Variants in SPPL2A observed in about 807,000 individuals in gnomAD.
SPPL2A encodes signal peptide peptidase like 2A.
A neutral mutation model predicts 63.8 loss-of-function variants in SPPL2A; 51 were observed. The ratio of observed to expected loss-of-function variants is 0.80; its 90% confidence interval spans 0.64 to 1.01. The LOEUF (loss-of-function observed/expected upper bound fraction) is 1.01. Ranked by LOEUF, SPPL2A falls within the 50% of genes least tolerant of loss-of-function variation. The pLI, the probability that SPPL2A is intolerant of heterozygous loss-of-function variation, is 0.00. For synonymous variants in SPPL2A, 188 were observed against 205.8 expected, an observed-to-expected ratio of 0.91 and a Z score of 0.74; for missense variants, 553 against 622.7, an observed-to-expected ratio of 0.89 and a Z score of 1.19.
At chr15:50,750,516 C>A (rs1567165280) in intron 1 of SPPL2A, among the ~76,000 whole-genome samples, 1 of 152,178 alleles carries the variant, frequency 6.6e-6, no homozygotes, top group Non-Finnish European at 1.5e-5. Context: ...AGAGAACCAG[C>A]TGGAACTTGA....
At chr15:50,739,939 T>C (rs1047744190) in intron 5 of SPPL2A, 111 bp from the exon 6 acceptor site, 3 of 526,254 alleles carry the variant, frequency 5.7e-6, no homozygotes, top group Non-Finnish European at 5.8e-6. Flanking sequence ...TGTATTTTTA[T>C]TTATTAAAAT....
chr15:50,740,772 G>A (rs997438769), intron 5 of SPPL2A, among the ~76,000 whole-genome samples: 22 of 151,992 alleles, frequency 1.4e-4, no homozygotes, highest in Non-Finnish European at 2.5e-4. Flanking sequence ...GGTTAGGCCC[G>A]GCTAATTTTT....
chr15:50,728,961 C>T (rs1567155941), intron 10 of SPPL2A, among the ~76,000 whole-genome samples: 2 of 151,950 alleles, frequency 1.3e-5, no homozygotes, highest in Non-Finnish European at 2.9e-5. Context: ...TTACAGGCGC[C>T]CACCACTGTG....
chr15:50,764,907 C>T (rs960000220), intron 1 of SPPL2A, among the ~76,000 whole-genome samples: 4 of 134,226 alleles, frequency 3.0e-5, no homozygotes, highest in African/African-American at 1.2e-4. Context: ...ATTAAAACCC[C>T]CCCTCCAAAA....
rs936716177 is a variant in SPPL2A at position 50,705,732 on chromosome 15, C to T, written c.*2068G>A. On this transcript the variant is annotated 3_prime_UTR_variant, in exon 15 of 15. Coordinates refer to ENST00000261854, the MANE Select transcript of SPPL2A (RefSeq NM_032802.4). ...CTATTTGCAATTTATTCAGCAAAAG[C>T]GAACAATTTTTAAAAAGTCTCTAAT... The T allele has an allele frequency of 6.6e-6, 1 of 152,062 alleles. No homozygotes were observed. The highest frequency in any genetic ancestry group is 2.4e-5 in the African/African-American group (1 of 41,410). The allele number at this position is 152,062 out of a possible 1,614,324, so 9.4% of individuals were successfully genotyped here.
At chr15:50,742,827 T>C (rs1268710510) in intron 5 of SPPL2A, 4 of 152,146 alleles carry the variant, frequency 2.6e-5, no homozygotes, top group Non-Finnish European at 4.4e-5. Flanking sequence ...TCCATCATCA[T>C]GTTTTACAAA....
At chr15:50,715,981 A>C (rs62018765) in intron 14 of SPPL2A, among the ~76,000 whole-genome samples, 5,225 of 152,212 alleles carry the variant, frequency 0.034, 112 homozygotes, top group Middle Eastern at 0.1. Flanking sequence ...ATAATTTTAT[A>C]AGGAATTTAA....
chr15:50,741,764 G>A (rs2062822635), intron 5 of SPPL2A, among the ~76,000 whole-genome samples: 1 of 151,466 alleles, frequency 6.6e-6, no homozygotes, highest in Non-Finnish European at 1.5e-5. Flanking sequence ...GTCAGGAGTT[G>A]ATACCAGCCT....
chr15:50,742,610 T>C (rs2062831111), intron 5 of SPPL2A: 1 of 152,200 alleles, frequency 6.6e-6, no homozygotes, highest in South Asian at 2.1e-4. Context: ...ATTATTTTTA[T>C]GGAACTTTTT....
intron 7 of SPPL2A, 29 bp from the exon 8 acceptor site, chr15:50,736,231 T>G (rs1244889635): frequency 6.2e-6 from 8 of 1,290,540 alleles, no homozygotes; most frequent in Non-Finnish European, 7.9e-6. Flanking sequence ...TAGTTAACAC[T>G]GCAGATGAAG....
intron 1 of SPPL2A, among the ~76,000 whole-genome samples, chr15:50,764,741 C>A (rs2063042887): frequency 6.6e-6 from 1 of 152,158 alleles, no homozygotes; most frequent in Admixed American, 6.6e-5. Context: ...ACTATTACTT[C>A]TCTGTGACTA....
At chr15:50,735,020 TCA>T (rs1286581624) in intron 8 of SPPL2A, among the ~76,000 whole-genome samples, 1 of 152,150 alleles carries the variant, frequency 6.6e-6, no homozygotes, top group Non-Finnish European at 1.5e-5. Context: ...TTCTCTTGCC[TCA>T]GCCTCCTGAG....
Position 50,717,012 on chromosome 15 carries a change from C to A in SPPL2A, c.1488+2928G>T, listed in dbSNP as rs1439952151. Among the ~76,000 whole-genome samples the A allele has an allele frequency of 5.3e-5, 8 of 152,286 alleles. No homozygotes were observed. In the South Asian group the frequency reaches 1.0e-3, roughly 20 times the overall value. On this transcript the variant is annotated intron_variant, in intron 14 of 14. Coordinates refer to ENST00000261854, the MANE Select transcript of SPPL2A (RefSeq NM_032802.4). Reference sequence around the variant, plus strand: ...TGCCTTTCCTTCATCACCATCCCCCCACTCAGTTTCCCAATCCAGAAGCCC... The same window carrying A: ...TGCCTTTCCTTCATCACCATCCCCCAACTCAGTTTCCCAATCCAGAAGCCC...
At position 50,717,903 on chromosome 15, in the gene SPPL2A, T is replaced by TA. The variant is rs1365908563; in HGVS notation, c.1488+2036dup. Among the ~76,000 whole-genome samples, 5 of 151,818 alleles carry TA rather than the reference T, an allele frequency of 3.3e-5. No individual in the cohort carries two copies. In the East Asian group the frequency reaches 9.7e-4, roughly 29 times the overall value. On this transcript the variant is annotated intron_variant, in intron 14 of 14. Coordinates refer to ENST00000261854, the MANE Select transcript of SPPL2A (RefSeq NM_032802.4). ...TAGTTTTCATGGCACCTGCCGTAACTAATAGGTTTATCACACTTTATTGTT... is the reference window on the plus strand; with the variant it reads ...TAGTTTTCATGGCACCTGCCGTAACTAAATAGGTTTATCACACTTTATTGTT...
At chr15:50,760,134 T>TCA (rs2062996760) in intron 1 of SPPL2A, among the ~76,000 whole-genome samples, 1 of 152,228 alleles carries the variant, frequency 6.6e-6, no homozygotes, top group South Asian at 2.1e-4. Context: ...ATTTATTTTC[T>TCA]CACAGTTCTG....
intron 8 of SPPL2A, among the ~76,000 whole-genome samples, chr15:50,735,646 G>A (rs62018805): frequency 0.051 from 7,753 of 151,926 alleles, 237 homozygotes; most frequent in Middle Eastern, 0.11. Context: ...TGCAACCTCC[G>A]CTCACTGCAA....
At chr15:50,726,148 T>C (rs536772312) in intron 11 of SPPL2A, 173 bp downstream of exon 11, 7 of 1,526,092 alleles carry the variant, frequency 4.6e-6, no homozygotes, top group East Asian at 5.0e-5. Context: ...CCCAAGTCAA[T>C]AGGTATTTAA....
At position 50,705,068 on chromosome 15, in the gene SPPL2A, C is replaced by T. The variant is rs751257518; in HGVS notation, c.*2732G>A. On this transcript the variant is annotated 3_prime_UTR_variant, in exon 15 of 15. Coordinates refer to ENST00000261854, the MANE Select transcript of SPPL2A (RefSeq NM_032802.4). ...TGAGAAATTATCTTATTTTGCCAGG[C>T]GCGGTGGCTCATGCCTGCAATCCCA... 2.6e-5 allele frequency: 4 copies of T among 152,096 alleles called. No individual in the cohort carries two copies. The highest frequency in any genetic ancestry group is 2.1e-4 in the South Asian group (1 of 4,832). 9.4% of individuals were successfully genotyped at this position (152,096 alleles called of 1,614,324 possible).
intron 1 of SPPL2A, among the ~76,000 whole-genome samples, chr15:50,761,499 C>T (rs12595393): frequency 0.15 from 23,224 of 152,010 alleles, 2,448 homozygotes; most frequent in East Asian, 0.45. Context: ...GCTTGTAATC[C>T]CAGCCACTGG....
Sources: gnomAD v4.1 joint callset for allele counts (sites outside exome capture counted in the v4.1 genomes callset) on GRCh38, gnomAD v4.1.1 for gene constraint, MANE v1.5 for transcripts, NCBI Gene and HGNC (gene_info 2026-07-23, HGNC 2026-07-21) for gene names.